The following CAMTA1 variants were observed in gnomAD, a reference collection of about 807,000 sequenced individuals.
The protein encoded by CAMTA1 is calmodulin binding transcription activator 1.
In CAMTA1, 27 loss-of-function variants were observed where a neutral mutation model predicts 170.9. That is an observed-to-expected ratio of 0.16 (90% CI 0.12 to 0.22). The LOEUF (loss-of-function observed/expected upper bound fraction) is 0.22. Among genes scored for constraint, CAMTA1 ranks in the 10% least tolerant of loss-of-function variants. The pLI is 1.00. For missense variants in CAMTA1, 1,619 were observed against 2,217.2 expected (o/e 0.73, Z 5.42); for synonymous variants, 833 against 891.5 (o/e 0.93, Z 1.17).
At chr1:7,091,421 G>A (rs1264710505) in intron 4 of CAMTA1, 50 bp downstream of exon 4, 1 of 1,315,408 alleles carries the variant, frequency 7.6e-7, no homozygotes, top group Non-Finnish European at 1.1e-6. Flanking sequence ...TAAGTGGATT[G>A]ATTTGCATTG....
intron 5 of CAMTA1, among the ~76,000 whole-genome samples, chr1:7,260,041 GT>G (rs1161422193): frequency 6.6e-6 from 1 of 152,182 alleles, no homozygotes; most frequent in Non-Finnish European, 1.5e-5. Context: ...AATCTTTTCA[GT>G]TTTGCGAGCC....
intron 3 of CAMTA1, among the ~76,000 whole-genome samples, chr1:7,056,609 A>G (rs1482754101): frequency 6.6e-6 from 1 of 152,034 alleles, no homozygotes; most frequent in East Asian, 1.9e-4. Context: ...TGCTGGGAAA[A>G]ACAGAGAGGG....
intron 3 of CAMTA1, among the ~76,000 whole-genome samples, chr1:6,951,162 T>A (rs1688417491): frequency 6.6e-6 from 1 of 152,186 alleles, no homozygotes; most frequent in African/African-American, 2.4e-5. Flanking sequence ...CCCACTTTTT[T>A]ATGGGGTCCA....
At chr1:7,104,310 A>C (rs948642255) in intron 4 of CAMTA1, among the ~76,000 whole-genome samples, 1 of 152,184 alleles carries the variant, frequency 6.6e-6, no homozygotes, top group African/African-American at 2.4e-5. Flanking sequence ...GCATGCATGC[A>C]GCACAGAAAC....
chr1:7,726,138 G>C (rs1381080818), intron 11 of CAMTA1, among the ~76,000 whole-genome samples: 1 of 152,262 alleles, frequency 6.6e-6, no homozygotes, highest in Non-Finnish European at 1.5e-5. Context: ...GACTTACCCA[G>C]AGGGGTTAAG....
intron 4 of CAMTA1, among the ~76,000 whole-genome samples, chr1:7,233,607 G>C (rs1002647227): frequency 2.6e-5 from 4 of 152,150 alleles, no homozygotes; most frequent in Non-Finnish European, 5.9e-5. Flanking sequence ...AGTGTTTGCT[G>C]TTTACAAGTT....
intron 3 of CAMTA1, among the ~76,000 whole-genome samples, chr1:7,018,265 T>A (rs541862253): frequency 3.3e-5 from 5 of 152,156 alleles, no homozygotes; most frequent in Non-Finnish European, 7.4e-5. Context: ...CAAACAGGCA[T>A]TTTTATGGTC....
At chr1:7,149,201 A>G (rs1238885910) in intron 4 of CAMTA1, among the ~76,000 whole-genome samples, 1 of 152,170 alleles carries the variant, frequency 6.6e-6, no homozygotes, top group Non-Finnish European at 1.5e-5. Context: ...GGGAATTGGG[A>G]GTCCCAGATG....
chr1:7,670,300 C>T (rs901492641), intron 9 of CAMTA1, among the ~76,000 whole-genome samples: 7 of 152,212 alleles, frequency 4.6e-5, no homozygotes, highest in Non-Finnish European at 1.0e-4. Flanking sequence ...AGGGCAGTCT[C>T]TGAGCGTCTC....
intron 6 of CAMTA1, among the ~76,000 whole-genome samples, chr1:7,581,398 T>A (rs2095259449): frequency 6.6e-6 from 1 of 152,270 alleles, no homozygotes; most frequent in African/African-American, 2.4e-5. Flanking sequence ...AGCGGCTTCA[T>A]TACTCTGTTC....
At chr1:7,663,158 G>T (rs111530813) in intron 8 of CAMTA1, among the ~76,000 whole-genome samples, 195 bp from the exon 9 acceptor site, 139 of 152,350 alleles carry the variant, frequency 9.1e-4, no homozygotes, top group African/African-American at 3.0e-3. Flanking sequence ...GACGGCCCCC[G>T]GGCTTGGGGT....
chr1:7,628,931 C>T (rs2095650733), intron 6 of CAMTA1, among the ~76,000 whole-genome samples: 1 of 152,184 alleles, frequency 6.6e-6, no homozygotes, highest in Non-Finnish European at 1.5e-5. Flanking sequence ...CCTCTGAGAC[C>T]TGATTGCCCA....
intron 4 of CAMTA1, among the ~76,000 whole-genome samples, chr1:7,148,052 C>T (rs575902865): frequency 2.0e-5 from 3 of 146,784 alleles, no homozygotes; most frequent in East Asian, 4.2e-4. Context: ...ACACCATGCA[C>T]GTATGCACAC....
chr1:7,256,946 A>G (rs1667472319), intron 5 of CAMTA1, among the ~76,000 whole-genome samples: 1 of 151,958 alleles, frequency 6.6e-6, no homozygotes, highest in African/African-American at 2.4e-5. Flanking sequence ...GCATCCTTAC[A>G]TGGTGGGAGG....
chr1:7,180,239 T>A (rs1259276490), intron 4 of CAMTA1, among the ~76,000 whole-genome samples: 6 of 151,912 alleles, frequency 3.9e-5, no homozygotes, highest in African/African-American at 1.5e-4. Flanking sequence ...TGGTGTCACG[T>A]TCCTGTAATC....
At chr1:7,385,138 A>T (rs1352974339) in intron 5 of CAMTA1, among the ~76,000 whole-genome samples, 2 of 147,436 alleles carry the variant, frequency 1.4e-5, no homozygotes, top group African/African-American at 5.1e-5. Flanking sequence ...CACCCAGGCT[A>T]GAGTGCAGTG....
At chr1:6,804,527 T>C (rs1644287442) in intron 1 of CAMTA1, among the ~76,000 whole-genome samples, 1 of 152,118 alleles carries the variant, frequency 6.6e-6, no homozygotes, top group African/African-American at 2.4e-5. Context: ...CCGGCCCTAG[T>C]CAATTACTAA....
intron 4 of CAMTA1, among the ~76,000 whole-genome samples, chr1:7,231,350 T>TGTGAGAGA (rs112268253): frequency 1.3e-4 from 19 of 141,106 alleles, no homozygotes; most frequent in African/African-American, 3.7e-4. Context: ...TGTGTGTGTG[T>TGTGAGAGA]GAGAGAGAGA....
chr1:7,300,792 C>G lies in CAMTA1; in HGVS notation c.438+51166C>G, dbSNP rs1191867098. On this transcript the variant is annotated intron_variant, in intron 5 of 22. Coordinates refer to ENST00000303635, the MANE Select transcript of CAMTA1 (RefSeq NM_015215.4). The surrounding 1 kb of genome is among the most constrained non-coding windows in gnomAD (Gnocchi z 4.1). ...TGTCCGTTGGTGACATTTGCAAACT[C>G]TCCTGGTTTAAAGTGATTCCAGAGC... 6.6e-6 allele frequency among the ~76,000 whole-genome samples: 1 copy of G among 152,142 alleles called. No individual in the cohort carries two copies. Among genetic ancestry groups the G allele is most frequent in the African/African-American group, 2.4e-5 (1 of 41,434 alleles).
Sources: allele counts gnomAD v4.1 joint callset (sites outside exome capture counted in the v4.1 genomes callset), GRCh38; gene constraint gnomAD v4.1.1; non-coding constraint Gnocchi (gnomAD v3.1); transcripts MANE v1.5; gene names NCBI Gene and HGNC (gene_info 2026-07-23, HGNC 2026-07-21).